Variants in FCGR2A observed in about 807,000 individuals in gnomAD.
The protein encoded by FCGR2A is Fc gamma receptor IIa.
A neutral mutation model predicts 29.3 loss-of-function variants in FCGR2A; 18 were observed. That is an observed-to-expected ratio of 0.62 (90% CI 0.43 to 0.91). FCGR2A has a LOEUF of 0.91. FCGR2A is among the 40% of genes least tolerant of loss of function. The probability of loss-of-function intolerance (pLI) is 0.00; values close to 1 mark genes in which losing one functional copy is unlikely to be tolerated. For synonymous variants in FCGR2A, 126 were observed against 144.8 expected, an observed-to-expected ratio of 0.87 and a Z score of 0.93; for missense variants, 287 against 393.0, an observed-to-expected ratio of 0.73 and a Z score of 2.28.
intron 6 of FCGR2A, among the ~76,000 whole-genome samples, chr1:161,517,340 T>C (rs1352039133): frequency 6.6e-6 from 1 of 152,088 alleles, no homozygotes; most frequent in African/African-American, 2.4e-5. Context: ...ATTCTAGAAC[T>C]GGGCAACACT....
Position 161,519,553 on chromosome 1 carries a change from A to G in FCGR2A, c.*1405A>G, listed in dbSNP as rs1324734341. ...TGATCATATATTACCTTTGTAATAA[A>G]ACATTATAACCAAAACATTCTGTTT... is the stretch of plus-strand genomic sequence containing the variant. On this transcript the variant is annotated 3_prime_UTR_variant, in exon 7 of 7. Transcript: ENST00000271450. 1 of 152,094 alleles carries G rather than the reference A, an allele frequency of 6.6e-6. No homozygotes were observed. The highest frequency in any genetic ancestry group is 1.5e-5 in the Non-Finnish European group (1 of 67,992). The allele number at this position is 152,094 out of a possible 1,614,324, so 9.4% of individuals were successfully genotyped here.
Position 161,513,905 on chromosome 1 carries a change from T to C in FCGR2A, c.753T>C (p.Thr251=), listed in dbSNP as rs545571774. 1 of 1,614,270 alleles carries C rather than the reference T, an allele frequency of 6.2e-7. No homozygotes were observed. The highest frequency in any genetic ancestry group is 8.5e-7 in the Non-Finnish European group (1 of 1,180,050). The part of the protein sequence containing the change: ...CRKKRISANS[T]DPVKAAQFEP... ...TCTTTTTCCCCACAGCCAATTCCAC[T>C]GATCCTGTGAAGGCTGCCCAATTTG... Residue 251 remains threonine (T), a synonymous_variant, in exon 6 of 7, where the codon ACT becomes ACC. Coordinates refer to ENST00000271450, the MANE Select transcript of FCGR2A (RefSeq NM_001136219.3).
At chr1:161,516,137 C>T (rs1236243551) in intron 6 of FCGR2A, among the ~76,000 whole-genome samples, 3 of 151,960 alleles carry the variant, frequency 2.0e-5, no homozygotes, top group Non-Finnish European at 4.4e-5. Flanking sequence ...CAAAAAAATA[C>T]CTTGAGATGA....
intron 5 of FCGR2A, among the ~76,000 whole-genome samples, chr1:161,511,930 G>A (rs555017044): frequency 1.3e-5 from 2 of 152,306 alleles, no homozygotes; most frequent in Admixed American, 6.5e-5. Context: ...AGCCAGGGAG[G>A]GAGCAGCGAT....
At chr1:161,510,184 G>A in intron 4 of FCGR2A, 110 bp downstream of exon 4, 1 of 1,543,798 alleles carries the variant, frequency 6.5e-7, no homozygotes, top group Non-Finnish European at 8.7e-7. Flanking sequence ...GCAAAATTGG[G>A]CACTGGAGCA....
In FCGR2A at chr1:161,518,031, T is replaced by G; in HGVS notation, c.837T>G (p.Asn279Lys). Reference protein sequence around the residue: ...IRKRQLEETNNDYETADGGYM... With the variant: ...IRKRQLEETNKDYETADGGYM... ...AGAGACAACTTGAAGAAACCAACAA[T>G]GACTATGAAACAGCTGACGGCGGCT... The change falls in exon 7 of 7, where the codon AAT becomes AAG. Residue 279 changes from asparagine (N) to lysine (K), a missense_variant. Transcript: ENST00000271450. The G allele has an allele frequency of 6.2e-7, 1 of 1,613,730 alleles. No individual in the cohort carries two copies. The highest frequency in any genetic ancestry group is 8.5e-7 in the Non-Finnish European group (1 of 1,179,798).
rs991380729 is a variant in FCGR2A at position 161,506,822 on chromosome 1, G to A, written c.364+231G>A. On this transcript the variant is annotated intron_variant, in intron 3 of 6. Coordinates refer to ENST00000271450, the MANE Select transcript of FCGR2A (RefSeq NM_001136219.3). ...CATGTGTTAGGTTGTTTTTGCCTCA[G>A]TCTTGATTGAGCAAGGGGGTTACGA... 6.5e-5 allele frequency: 54 copies of A among 833,588 alleles called. 1 individual carries two copies. In the Middle Eastern group the frequency reaches 1.0e-3, roughly 16 times the overall value. The allele number at this position is 833,588 out of a possible 1,614,324, so 51.6% of individuals were successfully genotyped here.
chr1:161,512,075 G>T (rs1659534), intron 5 of FCGR2A, among the ~76,000 whole-genome samples: 7 of 152,138 alleles, frequency 4.6e-5, no homozygotes, highest in South Asian at 2.1e-4. Flanking sequence ...AAATTTCTAG[G>T]ACCAGGAATC....
At chr1:161,505,779 C>T in intron 1 of FCGR2A, 1 of 715,268 alleles carries the variant, frequency 1.4e-6, no homozygotes, top group Non-Finnish European at 2.5e-6. Flanking sequence ...TTCATGTGTA[C>T]TTTGTAGTCA....
At chr1:161,520,538 C>G (rs1247650756), downstream of FCGR2A, among the ~76,000 whole-genome samples, 1 of 151,822 alleles carries the variant, frequency 6.6e-6, no homozygotes, top group African/African-American at 2.4e-5. Flanking sequence ...ACCATATCAC[C>G]CTAGACAGAG....
At position 161,508,804 on chromosome 1, in the gene FCGR2A, G is replaced by C. The variant is rs989260245; in HGVS notation, c.365-1016G>C. Among the ~76,000 whole-genome samples, 3 of 152,082 alleles carry C rather than the reference G, an allele frequency of 2.0e-5. No individual in the cohort carries two copies. The East Asian group carries it at 5.8e-4, about 29-fold the overall frequency. ...AAGGGAAGGAATTGTTGGGAGTGAG[G>C]ATGTTTGTAGGCAAAAAGGAAAAAG... On this transcript the variant is annotated intron_variant, in intron 3 of 6. Transcript: ENST00000271450.
chr1:161,522,015 C>T (rs1433116651), downstream of FCGR2A, among the ~76,000 whole-genome samples: 4 of 151,934 alleles, frequency 2.6e-5, no homozygotes, highest in Non-Finnish European at 5.9e-5. Flanking sequence ...AGCTACTAAA[C>T]ATAAGTGGAT....
downstream of FCGR2A, among the ~76,000 whole-genome samples, chr1:161,521,798 C>T (rs576078659): frequency 1.2e-4 from 18 of 152,180 alleles, no homozygotes; most frequent in East Asian, 1.5e-3. Flanking sequence ...CTCCCAGCCA[C>T]GTGGAACTGT....
intron 2 of FCGR2A, 134 bp from the exon 3 acceptor site, chr1:161,506,200 C>T: frequency 6.7e-6 from 9 of 1,339,738 alleles, no homozygotes; most frequent in South Asian, 1.3e-5. Context: ...GGGAATGAGG[C>T]CGCTGCAAGT....
chr1:161,517,924 A>G lies in FCGR2A; in HGVS notation c.781-51A>G, dbSNP rs745709557. ...TATTCTCCTTATAGTTATTGTATTT[A>G]CCTCCCCGGTGTATTGAATTATCCT... On this transcript the variant is annotated intron_variant, in intron 6 of 6. Coordinates refer to ENST00000271450, the MANE Select transcript of FCGR2A (RefSeq NM_001136219.3). 5.0e-6 allele frequency: 7 copies of G among 1,409,660 alleles called. No individual in the cohort carries two copies. In the South Asian group the frequency reaches 7.0e-5, roughly 14 times the overall value. The allele number at this position is 1,409,660 out of a possible 1,614,324, so 87.3% of individuals were successfully genotyped here.
At chr1:161,510,786 C>G (rs771334020) in intron 4 of FCGR2A, 48 bp from the exon 5 acceptor site, 33 of 1,609,620 alleles carry the variant, frequency 2.1e-5, no homozygotes, top group Middle Eastern at 3.3e-4. Context: ...CAAACGTTGT[C>G]ATTAAAATAG....
Position 161,506,396 on chromosome 1 carries a change from T to C in FCGR2A, c.169T>C (p.Ser57Pro), listed in dbSNP as rs1675396501. The change falls in exon 3 of 7, where the codon TCT becomes CCT. Residue 57 changes from serine (S) to proline (P), a missense_variant. Ser to Pro is a moderately conservative substitution (Grantham distance 74, BLOSUM62 -1). Around this residue, in one of 3 missense-constraint regions of FCGR2A, gnomAD observed 181 missense variants for 250.9 expected, o/e 0.72. Coordinates refer to ENST00000271450, the MANE Select transcript of FCGR2A (RefSeq NM_001136219.3). ...GTGGATCAACGTGCTCCAGGAGGAC[T>C]CTGTGACTCTGACATGCCAGGGGGC... ...PPWINVLQED[S>P]VTLTCQGARS... 6 of 1,614,242 alleles carry C rather than the reference T, an allele frequency of 3.7e-6. No individual in the cohort carries two copies. Among genetic ancestry groups the C allele is most frequent in the Non-Finnish European group, 5.1e-6 (6 of 1,180,038 alleles).
At chr1:161,523,843 A>ACC (rs1557842273), downstream of FCGR2A, 34 of 151,834 alleles carry the variant, frequency 2.2e-4, no homozygotes, top group Admixed American at 1.7e-3. Context: ...GAAAAAAATG[A>ACC]AAGTGCATTG....
chr1:161,505,498 G>C lies in FCGR2A; in HGVS notation c.31G>C (p.Val11Leu), dbSNP rs1675326234. The C allele has an allele frequency of 1.2e-6, 2 of 1,614,032 alleles. No homozygotes were observed. Among genetic ancestry groups the C allele is most frequent in the African/African-American group, 2.7e-5 (2 of 74,922 alleles). Residue 11 changes from valine (V) to leucine (L), a missense_variant, in exon 1 of 7, where the codon GTA becomes CTA. Val to Leu is a conservative substitution (Grantham distance 32). This residue lies in a region of FCGR2A where 181 missense variants were observed against 250.9 expected (regional missense o/e 0.72). Transcript: ENST00000271450. MTMETQMSQNVCPRNLWLLQP... is the reference protein window; with the variant it reads MTMETQMSQNLCPRNLWLLQP... Reference sequence around the variant, plus strand: ...TATGGAGACCCAAATGTCTCAGAATGTATGTCCCAGAAACCTGTGGCTGCT... The same window carrying C: ...TATGGAGACCCAAATGTCTCAGAATCTATGTCCCAGAAACCTGTGGCTGCT...
Sources: gnomAD v4.1 joint callset for allele counts (sites outside exome capture counted in the v4.1 genomes callset) on GRCh38, gnomAD v4.1.1 for gene constraint, gnomAD v4.1.1 regional missense constraint, MANE v1.5 for transcripts, NCBI Gene and HGNC (gene_info 2026-07-23, HGNC 2026-07-21) for gene names.